The following PDK1 variants were observed in gnomAD, a reference collection of about 807,000 sequenced individuals.
PDK1 encodes the protein pyruvate dehydrogenase kinase 1.
A neutral mutation model predicts 54.2 loss-of-function variants in PDK1; 39 were observed. The ratio of observed to expected loss-of-function variants is 0.72; its 90% confidence interval spans 0.56 to 0.94. The LOEUF (loss-of-function observed/expected upper bound fraction) is 0.94, where lower values mean the gene tolerates loss of function less well. Among genes scored for constraint, PDK1 ranks in the 40% least tolerant of loss-of-function variants. The pLI is 0.00. For synonymous variants in PDK1, 221 were observed against 207.1 expected (o/e 1.07, Z -0.58); for missense variants, 552 against 566.0 (o/e 0.98, Z 0.25).
the PDK1 span, among the ~76,000 whole-genome samples, chr2:172,666,536 G>T: frequency 3.2e-3 from 484 of 152,288 alleles, 4 homozygotes; most frequent in African/African-American, 0.011. Context: ...CTATTGGCTA[G>T]GGTTGGACCA....
At chr2:172,648,928 G>T in the PDK1 span, among the ~76,000 whole-genome samples, 1 of 152,226 alleles carries the variant, frequency 6.6e-6, no homozygotes, top group East Asian at 1.9e-4. Flanking sequence ...TGAACAAAAG[G>T]CAGCAGAAAC....
At chr2:172,673,509 TAG>T in the PDK1 span, among the ~76,000 whole-genome samples, 1 of 152,248 alleles carries the variant, frequency 6.6e-6, no homozygotes, top group East Asian at 1.9e-4. Flanking sequence ...ATTATTATTT[TAG>T]AGAGACAGTT....
chr2:172,693,960 GC>G, the PDK1 span, among the ~76,000 whole-genome samples: 5 of 152,190 alleles, frequency 3.3e-5, no homozygotes, highest in Non-Finnish European at 7.3e-5. Flanking sequence ...TCCCCAGCAA[GC>G]CTCATTATGT....
the PDK1 span, among the ~76,000 whole-genome samples, chr2:172,717,721 C>T: frequency 6.6e-6 from 1 of 152,188 alleles, no homozygotes; most frequent in South Asian, 2.1e-4. Context: ...TAGAACATTG[C>T]TTTGCCATTA....
the PDK1 span, among the ~76,000 whole-genome samples, chr2:172,639,739 G>A: frequency 6.6e-6 from 1 of 152,262 alleles, no homozygotes; most frequent in Admixed American, 6.5e-5. Flanking sequence ...GTTGGGTCAT[G>A]AGGGATCCAT....
the PDK1 span, among the ~76,000 whole-genome samples, chr2:172,639,070 C>G: frequency 6.6e-6 from 1 of 152,140 alleles, no homozygotes; most frequent in Non-Finnish European, 1.5e-5. Flanking sequence ...CTCACTATGC[C>G]GTGCAGACTG....
At chr2:172,654,898 CA>C in the PDK1 span, among the ~76,000 whole-genome samples, 4 of 152,090 alleles carry the variant, frequency 2.6e-5, no homozygotes, top group African/African-American at 9.7e-5. Flanking sequence ...TAATAGCGGG[CA>C]GAGAAGACAA....
chr2:172,676,717 T>C, the PDK1 span, among the ~76,000 whole-genome samples: 3 of 152,228 alleles, frequency 2.0e-5, no homozygotes, highest in Admixed American at 6.5e-5. Flanking sequence ...AGTTAGTTGA[T>C]AAAGCAGCAG....
chr2:172,565,868 A>G (rs1688911815), intron 5 of PDK1, among the ~76,000 whole-genome samples: 1 of 152,192 alleles, frequency 6.6e-6, no homozygotes, highest in African/African-American at 2.4e-5. Context: ...GCTCTATGGA[A>G]TGTATCAGTA....
the PDK1 span, among the ~76,000 whole-genome samples, chr2:172,700,979 A>G: frequency 6.6e-6 from 1 of 152,116 alleles, no homozygotes; most frequent in Non-Finnish European, 1.5e-5. Flanking sequence ...GCTTGGCATC[A>G]GAGGGAGACC....
rs201826243 is a variant in PDK1 at position 172,595,877 on chromosome 2, G to A, written c.1219G>A (p.Ala407Thr). Reference sequence around the variant, plus strand: ...AAGACTCCCAGTGTATAACAAAGCTGCCTGGAAGCATTACAACACCAACCA... The same window carrying A: ...AAGACTCCCAGTGTATAACAAAGCTACCTGGAAGCATTACAACACCAACCA... ...IERLPVYNKA[A>T]WKHYNTNHEA... The change falls in exon 11 of 11, where the codon GCC (alanine) becomes ACC (threonine). Residue 407 changes from alanine (A) to threonine (T), a missense_variant. By Grantham distance (58) the Ala-to-Thr change is moderately conservative. Transcript: ENST00000282077. 104 of 1,613,804 alleles carry A rather than the reference G, an allele frequency of 6.4e-5. No individual in the cohort carries two copies. Among genetic ancestry groups the A allele is most frequent in the Non-Finnish European group, 8.5e-5 (100 of 1,179,768 alleles).
At chr2:172,555,900 T>G, upstream of PDK1, 1 of 347,656 alleles carries the variant, frequency 2.9e-6, no homozygotes, top group Non-Finnish European at 5.2e-6. Flanking sequence ...ATCTCCTTCC[T>G]CGGGAGGCTG....
the PDK1 span, among the ~76,000 whole-genome samples, chr2:172,690,544 A>G: frequency 2.0e-5 from 3 of 150,152 alleles, no homozygotes; most frequent in Non-Finnish European, 4.4e-5. Flanking sequence ...ATAAAGACAC[A>G]TGCACATGTT....
intron 5 of PDK1, 141 bp from the exon 6 acceptor site, chr2:172,566,715 A>G (rs564164106): frequency 2.2e-6 from 1 of 447,064 alleles, no homozygotes; most frequent in East Asian, 3.9e-5. Flanking sequence ...AAAAAAAAGC[A>G]GACTTTCACC....
chr2:172,712,416 C>T, the PDK1 span, among the ~76,000 whole-genome samples: 17 of 152,322 alleles, frequency 1.1e-4, no homozygotes, highest in Middle Eastern at 3.4e-3. Flanking sequence ...ACTTGGCTTT[C>T]GCTACTGGCT....
chr2:172,564,503 C>T lies in PDK1; in HGVS notation c.411C>T (p.Asp137=). ...KSAEDAKAIY[D]FTDTVIRIRN... ...TGTTTTGACAGATGGGTTTGTTTAG[C>T]TTTACAGATACTGTGATACGGATCA... The change falls in exon 4 of 11, where the codon GAC becomes GAT. Residue 137 remains aspartate, a splice_region_variant and synonymous_variant. Coordinates refer to ENST00000282077, the MANE Select transcript of PDK1 (RefSeq NM_002610.5). The T allele has an allele frequency of 9.3e-6, 15 of 1,611,596 alleles. No homozygotes were observed. Among genetic ancestry groups the T allele is most frequent in the Non-Finnish European group, 1.3e-5 (15 of 1,178,266 alleles).
At chr2:172,658,298 A>C in the PDK1 span, among the ~76,000 whole-genome samples, 1 of 152,176 alleles carries the variant, frequency 6.6e-6, no homozygotes, top group Non-Finnish European at 1.5e-5. Context: ...TTTCATGGAT[A>C]TTTATCACTT....
In PDK1 at chr2:172,599,554, C is replaced by T. The variant is rs975601593; in HGVS notation, c.*3585C>T. 1.3e-5 allele frequency: 2 copies of T among 151,878 alleles called. No homozygotes were observed. The highest frequency in any genetic ancestry group is 1.3e-4 in the Admixed American group (2 of 15,248). The allele number at this position is 151,878 out of a possible 1,614,324, so 9.4% of individuals were successfully genotyped here. A position where few individuals can be genotyped will look rare whatever the true frequency, so the allele number is the denominator to read the frequency against. On this transcript the variant is annotated 3_prime_UTR_variant, in exon 11 of 11. Coordinates refer to ENST00000282077, the MANE Select transcript of PDK1 (RefSeq NM_002610.5). ...AATCATGTCTTATTAATTTCTGGTC[C>T]CAATAATTAATTTTCTTACAGTCAA... is the stretch of plus-strand genomic sequence containing the variant.
the PDK1 span, among the ~76,000 whole-genome samples, chr2:172,632,785 T>G: frequency 1.3e-5 from 2 of 151,578 alleles, no homozygotes; most frequent in African/African-American, 2.4e-5. Context: ...ATCAAGACCA[T>G]CCTGGCCAAC....
Sources: allele counts gnomAD v4.1 joint callset (sites outside exome capture counted in the v4.1 genomes callset), GRCh38; gene constraint gnomAD v4.1.1; transcripts MANE v1.5; gene names NCBI Gene and HGNC (gene_info 2026-07-23, HGNC 2026-07-21).